Variants in TFCP2 observed in about 807,000 individuals in gnomAD.
TFCP2 encodes the protein transcription factor CP2.
A neutral mutation model predicts 73.4 loss-of-function variants in TFCP2; 33 were observed. The ratio of observed to expected loss-of-function variants is 0.45; its 90% CI spans 0.34 to 0.60. The LOEUF is 0.60. TFCP2 is among the 20% of genes least tolerant of loss of function. The pLI is 0.01. For missense variants in TFCP2, 352 were observed against 604.0 expected (o/e 0.58, Z 4.37); for synonymous variants, 193 against 211.6 (o/e 0.91, Z 0.76).
rs149098520 is a variant in TFCP2, at chr12:51,098,806, T to C, written c.1389A>G (p.Pro463=). ...CACTGATGAGCACATGAATTCCTGTTGGCCCCTGCTTGTAAATCTGGCTGA... is the reference window on the plus strand; with the variant it reads ...CACTGATGAGCACATGAATTCCTGTCGGCCCCTGCTTGTAAATCTGGCTGA... The part of the protein sequence containing the change: ...CQISQIYKQG[P]TGIHVLISDE... Residue 463 remains proline, a synonymous_variant, in exon 13 of 15, where the codon CCA becomes CCG. Coordinates refer to ENST00000257915, the MANE Select transcript of TFCP2 (RefSeq NM_005653.5). The C allele has an allele frequency of 6.3e-5, 101 of 1,614,122 alleles. 1 individual carries two copies. In the South Asian group the frequency reaches 9.1e-4, roughly 15 times the overall value.
chr12:51,164,597 G>C (rs11169728), intron 1 of TFCP2, among the ~76,000 whole-genome samples: 6 of 99,352 alleles, frequency 6.0e-5, no homozygotes, highest in Middle Eastern at 6.8e-3. Context: ...ACTCCATCTC[G>C]AAAAAAAAAA....
chr12:51,148,371 T>C (rs370891671), intron 1 of TFCP2, among the ~76,000 whole-genome samples: 35 of 152,234 alleles, frequency 2.3e-4, no homozygotes, highest in African/African-American at 7.2e-4. Flanking sequence ...ATTGCAAAAA[T>C]ATGGAACCAG....
chr12:51,122,713 A>G (rs1940714283), intron 1 of TFCP2, among the ~76,000 whole-genome samples: 1 of 152,174 alleles, frequency 6.6e-6, no homozygotes, highest in Non-Finnish European at 1.5e-5. Context: ...CACATGAAAC[A>G]TATTATTGTT....
At chr12:51,145,700 C>T (rs1941284842) in intron 1 of TFCP2, among the ~76,000 whole-genome samples, 1 of 150,044 alleles carries the variant, frequency 6.7e-6, no homozygotes, top group Non-Finnish European at 1.5e-5. Context: ...GTAATCCCAA[C>T]ACTTTGAGGT....
At chr12:51,167,837 G>T (rs1197588141) in intron 1 of TFCP2, among the ~76,000 whole-genome samples, 4 of 151,466 alleles carry the variant, frequency 2.6e-5, no homozygotes, top group African/African-American at 9.7e-5. Flanking sequence ...AAGGTGGGAG[G>T]ATCTCTTAAG....
rs762015936 is a variant in TFCP2 at position 51,099,964 on chromosome 12, A to T, written c.1152-185T>A. Among the ~76,000 whole-genome samples the T allele has an allele frequency of 9.2e-5, 14 of 152,018 alleles. 1 individual carries two copies. The highest frequency in any genetic ancestry group is 1.8e-4 in the Non-Finnish European group (12 of 67,968). The stretch of plus-strand genomic sequence containing the variant: ...AGTAGTAGGGTTTTTTTTTTCCTTA[A>T]GTGGAATTAGTTCCAATATGAGACA... On this transcript the variant is annotated intron_variant, in intron 11 of 14. Transcript: ENST00000257915.
At chr12:51,163,360 C>T (rs562198919) in intron 1 of TFCP2, among the ~76,000 whole-genome samples, 4 of 152,110 alleles carry the variant, frequency 2.6e-5, no homozygotes, top group African/African-American at 4.8e-5. Context: ...GAGGCCAAGG[C>T]GGACAGATCA....
At chr12:51,095,567 C>A (rs1251085658) in intron 14 of TFCP2, among the ~76,000 whole-genome samples, 1 of 152,094 alleles carries the variant, frequency 6.6e-6, no homozygotes, top group South Asian at 2.1e-4. Context: ...GTAATCCCAG[C>A]ACTTTGGGAG....
At chr12:51,106,130 T>G (rs1205333024) in intron 8 of TFCP2, among the ~76,000 whole-genome samples, 1 of 152,198 alleles carries the variant, frequency 6.6e-6, no homozygotes, top group East Asian at 1.9e-4. Context: ...CAAATTTTAG[T>G]GTTTGTACAA....
At chr12:51,110,762 A>C in intron 5 of TFCP2, 115 bp downstream of exon 5, 1 of 739,776 alleles carries the variant, frequency 1.4e-6, no homozygotes, top group Admixed American at 2.5e-5. Flanking sequence ...TGGGCTTGAC[A>C]GTCAGGCTAG....
rs370505198 is a variant in TFCP2, at chr12:51,117,663, C to T, written c.351+8G>A. The T allele has an allele frequency of 2.8e-5, 45 of 1,601,308 alleles. No individual in the cohort carries two copies. The highest frequency in any genetic ancestry group is 3.3e-4 in the Middle Eastern group (2 of 6,050). ...ATATTGTACAGAAGAATGATTTATT[C>T]GTTTTACCTTCACCAATTTGCCATT... On this transcript the variant is annotated splice_region_variant and intron_variant, in intron 3 of 14. Transcript: ENST00000257915.
In TFCP2 at chr12:51,104,147, A is replaced by G; in HGVS notation, c.966+8T>C. ...TTGCAAGTAACTGACATTCAACTTT[A>G]GACTTACATCTGTGACTGGAGGGGG... On this transcript the variant is annotated splice_region_variant and intron_variant, in intron 9 of 14. Transcript: ENST00000257915. The G allele has an allele frequency of 6.2e-7, 1 of 1,613,994 alleles. No individual in the cohort carries two copies. Among genetic ancestry groups the G allele is most frequent in the Non-Finnish European group, 8.5e-7 (1 of 1,179,842 alleles).
chr12:51,106,920 GC>G (rs1940260626), intron 7 of TFCP2: 4 of 505,956 alleles, frequency 7.9e-6, no homozygotes, highest in East Asian at 7.9e-5. Context: ...GGTGGTTTAT[GC>G]CCAAGATGAA....
intron 5 of TFCP2, among the ~76,000 whole-genome samples, 159 bp downstream of exon 5, chr12:51,110,718 C>T (rs933776600): frequency 6.6e-6 from 1 of 152,160 alleles, no homozygotes; most frequent in African/African-American, 2.4e-5. Flanking sequence ...AATTCAGAAA[C>T]TCCTCAATGC....
intron 1 of TFCP2, among the ~76,000 whole-genome samples, chr12:51,133,799 T>C (rs1202323957): frequency 6.6e-6 from 1 of 151,614 alleles, no homozygotes; most frequent in Non-Finnish European, 1.5e-5. Flanking sequence ...TGGTGGCAGG[T>C]GCCTGTAGGT....
chr12:51,124,829 CCTCT>C (rs757303264), intron 1 of TFCP2: 5 of 1,239,576 alleles, frequency 4.0e-6, no homozygotes, highest in Admixed American at 1.7e-5. Flanking sequence ...CAAATCTGGC[CCTCT>C]CTGCTTCCTG....
intron 1 of TFCP2, among the ~76,000 whole-genome samples, chr12:51,144,607 T>G (rs907655679): frequency 6.6e-6 from 1 of 152,056 alleles, no homozygotes; most frequent in African/African-American, 2.4e-5. Context: ...GCTGGAAAAA[T>G]TAGACATTTG....
chr12:51,107,772 A>G (rs532930646), intron 6 of TFCP2, among the ~76,000 whole-genome samples: 2 of 151,938 alleles, frequency 1.3e-5, no homozygotes, highest in Non-Finnish European at 2.9e-5. Flanking sequence ...ACACCCAGCT[A>G]ATTTTTTATC....
intron 1 of TFCP2, among the ~76,000 whole-genome samples, chr12:51,139,178 G>T (rs1387800582): frequency 6.6e-6 from 1 of 152,096 alleles, no homozygotes; most frequent in Admixed American, 6.5e-5. Context: ...CCTCTAACCT[G>T]CAGCCAGAGT....
Sources: gnomAD v4.1 joint callset for allele counts (sites outside exome capture counted in the v4.1 genomes callset) on GRCh38, gnomAD v4.1.1 for gene constraint, MANE v1.5 for transcripts, NCBI Gene and HGNC (gene_info 2026-07-23, HGNC 2026-07-21) for gene names.